Variants in GPALPP1 observed in about 807,000 individuals in gnomAD.
The protein encoded by GPALPP1 is GPALPP motifs-containing protein 1.
Under a neutral mutation model 38.9 loss-of-function variants are expected in GPALPP1, and 30 were observed. The observed-to-expected ratio is 0.77, with a 90% CI of 0.58 to 1.05. GPALPP1 has a LOEUF of 1.05. Ranked by LOEUF, GPALPP1 falls within the 50% of genes least tolerant of loss-of-function variation. The pLI, the probability that GPALPP1 is intolerant of heterozygous loss-of-function variation, is 0.00. For synonymous variants in GPALPP1, 120 were observed against 139.2 expected, an observed-to-expected ratio of 0.86 and a Z score of 0.97; for missense variants, 384 against 408.8, an observed-to-expected ratio of 0.94 and a Z score of 0.52.
downstream of GPALPP1, chr13:45,033,614 TGTA>T (rs1336139717): frequency 2.0e-5 from 3 of 152,202 alleles, no homozygotes; most frequent in Admixed American, 1.3e-4. Context: ...TCTGAGAAGT[TGTA>T]GTATTTATTT....
intron 1 of GPALPP1, among the ~76,000 whole-genome samples, chr13:45,000,529 T>C (rs1194725653): frequency 2.6e-5 from 4 of 152,144 alleles, no homozygotes; most frequent in Non-Finnish European, 5.9e-5. Context: ...TTAAAATATA[T>C]AAAAGAATAA....
In GPALPP1 at chr13:45,015,049, A is replaced by T. The variant is rs542957802; in HGVS notation, c.506A>T (p.Gln169Leu). ...NVTTEFEKRA[Q>L]RMKEKLTKGD... ...ACGACAGAGTTTGAAAAAAGGGCCC[A>T]GAGAATGAAAGAAAAACTGACCAAA... The change falls in exon 5 of 8, where the codon CAG becomes CTG. Residue 169 changes from glutamine to leucine, a missense_variant. Coordinates refer to ENST00000379151, the MANE Select transcript of GPALPP1 (RefSeq NM_018559.5). 6.2e-7 allele frequency: 1 copy of T among 1,609,104 alleles called. No homozygotes were observed. The highest frequency in any genetic ancestry group is 8.5e-7 in the Non-Finnish European group (1 of 1,176,192).
At position 44,989,631 on chromosome 13, in the gene GPALPP1, T is replaced by C. The variant is rs759328067; in HGVS notation, c.-24T>C. 2 of 1,598,858 alleles carry C rather than the reference T, an allele frequency of 1.3e-6. No homozygotes were observed. Among genetic ancestry groups the C allele is most frequent in the Admixed American group, 3.3e-5 (2 of 59,850 alleles). ...TGACGTTCGTGGATAGACTCATATC[T>C]GTGACCAGTGTCCGCCACCGCGGAT... On this transcript the variant is annotated 5_prime_UTR_variant, in exon 1 of 8. Transcript: ENST00000379151.
At chr13:44,999,694 C>G (rs1267099954) in intron 1 of GPALPP1, among the ~76,000 whole-genome samples, 3 of 152,180 alleles carry the variant, frequency 2.0e-5, no homozygotes, top group Non-Finnish European at 2.9e-5. Context: ...ATTCTCCTGC[C>G]TCAGCCTCCT....
At chr13:45,014,604 G>A (rs1312251651) in intron 4 of GPALPP1, among the ~76,000 whole-genome samples, 1 of 152,158 alleles carries the variant, frequency 6.6e-6, no homozygotes. Context: ...GTGTGTATTA[G>A]AGTAAGCCAC....
At chr13:45,016,674 T>C (rs1874897144) in intron 6 of GPALPP1, among the ~76,000 whole-genome samples, 1 of 152,214 alleles carries the variant, frequency 6.6e-6, no homozygotes, top group Middle Eastern at 3.2e-3. Context: ...ACAAGGTCTC[T>C]CTGTCACCCA....
In GPALPP1 at chr13:45,029,883, G is replaced by A. The variant is rs1876104298; in HGVS notation, c.*1880G>A. 1 of 152,172 alleles carries A rather than the reference G, an allele frequency of 6.6e-6. No homozygotes were observed. The highest frequency in any genetic ancestry group is 6.5e-5 in the Admixed American group (1 of 15,276). 9.4% of individuals were successfully genotyped at this position (152,172 alleles called of 1,614,324 possible). ...TTGCTTTTTCCAACTTTAATAGTTAGTATTTCTAGGGGAGGCAATCAAGAT... is the reference window on the plus strand; with the variant it reads ...TTGCTTTTTCCAACTTTAATAGTTAATATTTCTAGGGGAGGCAATCAAGAT... On this transcript the variant is annotated 3_prime_UTR_variant, in exon 8 of 8. Coordinates refer to ENST00000379151, the MANE Select transcript of GPALPP1 (RefSeq NM_018559.5).
intron 1 of GPALPP1, among the ~76,000 whole-genome samples, chr13:45,003,581 T>G (rs1246803981): frequency 6.6e-6 from 1 of 152,218 alleles, no homozygotes; most frequent in Non-Finnish European, 1.5e-5. Flanking sequence ...AGGATCAACC[T>G]GGACAGTTGT....
At chr13:44,989,978 G>A in intron 1 of GPALPP1, 1 of 585,444 alleles carries the variant, frequency 1.7e-6, no homozygotes, top group East Asian at 2.8e-5. Context: ...TTCTCATTTA[G>A]CCTTAATATG....
intron 3 of GPALPP1, among the ~76,000 whole-genome samples, chr13:45,007,984 T>G (rs1874212729): frequency 6.6e-6 from 1 of 152,206 alleles, no homozygotes; most frequent in Non-Finnish European, 1.5e-5. Context: ...GACAGTTGCC[T>G]CATTATTTGG....
chr13:44,991,407 A>G (rs1385079122), intron 1 of GPALPP1, among the ~76,000 whole-genome samples: 1 of 152,072 alleles, frequency 6.6e-6, no homozygotes. Flanking sequence ...AGATCGCGCC[A>G]CTGCACTCCA....
chr13:44,991,016 G>A (rs1292801787), intron 1 of GPALPP1, among the ~76,000 whole-genome samples: 1 of 152,116 alleles, frequency 6.6e-6, no homozygotes. Flanking sequence ...CTTGAACCCA[G>A]GAGGCGGAGG....
chr13:44,990,105 A>G (rs938286845), intron 1 of GPALPP1: 3 of 436,660 alleles, frequency 6.9e-6, no homozygotes, highest in African/African-American at 2.0e-5. Flanking sequence ...TGTCTAGATC[A>G]TACTGCTAGC....
chr13:44,997,539 G>A (rs1428256464), intron 1 of GPALPP1, among the ~76,000 whole-genome samples: 1 of 152,066 alleles, frequency 6.6e-6, no homozygotes, highest in Non-Finnish European at 1.5e-5. Flanking sequence ...CTGGAGTAGT[G>A]AGTCTACCCT....
At chr13:45,017,759 C>A (rs1874977115) in intron 6 of GPALPP1, among the ~76,000 whole-genome samples, 1 of 152,118 alleles carries the variant, frequency 6.6e-6, no homozygotes, top group Admixed American at 6.5e-5. Flanking sequence ...TGACTGAGTT[C>A]TTTAGACCTG....
chr13:45,020,191 A>G, intron 6 of GPALPP1, 139 bp from the exon 7 acceptor site: 1 of 499,482 alleles, frequency 2.0e-6, no homozygotes, highest in Non-Finnish European at 3.6e-6. Flanking sequence ...AAGTATGTTA[A>G]TATTTCTGAT....
At chr13:45,002,621 C>G (rs1873782106) in intron 1 of GPALPP1, among the ~76,000 whole-genome samples, 2 of 152,142 alleles carry the variant, frequency 1.3e-5, no homozygotes, top group African/African-American at 4.8e-5. Context: ...TATTATTAAC[C>G]TCATTTTACA....
rs765310502 is a variant in GPALPP1, at chr13:45,019,018, C to CATATAA, written c.706-1311_706-1310insTATAAA. 3.0e-3 allele frequency among the ~76,000 whole-genome samples: 34 copies of CATATAA among 11,206 alleles called. 1 individual carries two copies. In the East Asian group the frequency reaches 0.038, roughly 12 times the overall value. The allele number at this position is 11,206 out of a possible 152,430, so 7.4% of individuals were successfully genotyped here. A position where few individuals can be genotyped will look rare whatever the true frequency, so the allele number is the denominator to read the frequency against. On this transcript the variant is annotated intron_variant, in intron 6 of 7. Coordinates refer to ENST00000379151, the MANE Select transcript of GPALPP1 (RefSeq NM_018559.5). ...ATATATATACATATAAATATATATA[C>CATATAA]ACATATAAATATATACATAGAAATA...
At position 45,027,957 on chromosome 13, in the gene GPALPP1, A is replaced by G; in HGVS notation, c.977A>G (p.Glu326Gly). ...AAAGCCCTAATAAAAAAATCTAGAG[A>G]ACTAAACACCAGATTTTCACACGGC... ...QKKALIKKSR[E>G]LNTRFSHGKG... The change falls in exon 8 of 8, where the codon GAA becomes GGA. Residue 326 changes from glutamate (E) to glycine (G), a missense_variant. Physicochemically the swap from Glu to Gly is moderately conservative, Grantham distance 98. Transcript: ENST00000379151. 1 of 1,610,592 alleles carries G rather than the reference A, an allele frequency of 6.2e-7. No homozygotes were observed. The highest frequency in any genetic ancestry group is 1.3e-5 in the African/African-American group (1 of 74,952).
Sources: gnomAD v4.1 joint callset for allele counts (sites outside exome capture counted in the v4.1 genomes callset) on GRCh38, gnomAD v4.1.1 for gene constraint, MANE v1.5 for transcripts, NCBI Gene and HGNC (gene_info 2026-07-23, HGNC 2026-07-21) for gene names.